KLF12: variants seen among roughly 807,000 people sequenced by gnomAD.
The protein encoded by KLF12 is Krueppel-like factor 12.
In KLF12, 9 loss-of-function variants were observed where a neutral mutation model predicts 37.8. The ratio of observed to expected loss-of-function variants is 0.24; its 90% CI spans 0.14 to 0.42. KLF12 has a LOEUF of 0.42. Ranked by LOEUF, KLF12 falls within the 10% of genes least tolerant of loss-of-function variation. The probability of loss-of-function intolerance (pLI) is 1.00; values close to 1 mark genes in which losing one functional copy is unlikely to be tolerated. For missense variants in KLF12, 411 were observed against 516.0 expected, an observed-to-expected ratio of 0.80 and a Z score of 1.97; for synonymous variants, 208 against 202.1, an observed-to-expected ratio of 1.03 and a Z score of -0.25.
intron 1 of KLF12, among the ~76,000 whole-genome samples, chr13:74,005,447 T>C (rs565322075): frequency 1.3e-5 from 2 of 152,186 alleles, no homozygotes; most frequent in South Asian, 4.1e-4. Context: ...TATTTCAAAA[T>C]TTAAAAAGGC....
At chr13:74,075,856 G>GA (rs1874530279) in intron 1 of KLF12, among the ~76,000 whole-genome samples, 1 of 152,122 alleles carries the variant, frequency 6.6e-6, no homozygotes, top group Non-Finnish European at 1.5e-5. Context: ...CACACCAGCA[G>GA]AAAGTGTCTC....
rs115321850 is a variant in KLF12, at chr13:73,783,883, C to T, written c.807-18883G>A. On this transcript the variant is annotated intron_variant, in intron 5 of 7. Coordinates refer to ENST00000377669, the MANE Select transcript of KLF12 (RefSeq NM_007249.5). The stretch of plus-strand genomic sequence containing the variant: ...AAACCGGACACAGTTCTAACACAAA[C>T]GCTTCCTTAGAATGGGCTATCATGT... 7.6e-4 allele frequency among the ~76,000 whole-genome samples: 115 copies of T among 152,238 alleles called. 1 individual carries two copies. The highest frequency in any genetic ancestry group is 2.4e-3 in the African/African-American group (101 of 41,564).
chr13:74,069,734 T>C (rs886915515), intron 1 of KLF12, among the ~76,000 whole-genome samples: 11 of 151,882 alleles, frequency 7.2e-5, no homozygotes, highest in African/African-American at 2.2e-4. Flanking sequence ...AATAAAAAAA[T>C]AGAAGAAGAA....
At position 73,761,552 on chromosome 13, in the gene KLF12, T is replaced by C. The variant is rs1334921281; in HGVS notation, c.869+3386A>G. The stretch of plus-strand genomic sequence containing the variant: ...TCCTACAATTGCACGCCCTTGAAGC[T>C]CAAAATCCTTTTCCTCTGTCTTTTT... On this transcript the variant is annotated intron_variant, in intron 6 of 7. Coordinates refer to ENST00000377669, the MANE Select transcript of KLF12 (RefSeq NM_007249.5). 2.0e-5 allele frequency among the ~76,000 whole-genome samples: 3 copies of C among 152,194 alleles called. No homozygotes were observed. The East Asian group carries it at 5.8e-4, about 29-fold the overall frequency.
the KLF12 span, among the ~76,000 whole-genome samples, chr13:74,211,559 G>A: frequency 6.6e-6 from 1 of 152,124 alleles, no homozygotes; most frequent in African/African-American, 2.4e-5. Context: ...GATTTATGAA[G>A]TTTAATAAAA....
At chr13:74,238,752 T>C in the KLF12 span, among the ~76,000 whole-genome samples, 1 of 152,062 alleles carries the variant, frequency 6.6e-6, no homozygotes, top group Middle Eastern at 3.4e-3. Context: ...TATTCTCTGA[T>C]GGTAGTTTGT....
chr13:73,854,663 C>T (rs1167193118), intron 3 of KLF12, among the ~76,000 whole-genome samples: 1 of 152,200 alleles, frequency 6.6e-6, no homozygotes, highest in Non-Finnish European at 1.5e-5. Flanking sequence ...ACCAAAACTA[C>T]AGATGCTCAA....
chr13:74,052,045 A>T (rs1272319333), intron 1 of KLF12, among the ~76,000 whole-genome samples: 1 of 152,102 alleles, frequency 6.6e-6, no homozygotes. Context: ...TGAAACTTAA[A>T]GAAAAAAAAA....
At chr13:73,767,542 T>C (rs183900945) in intron 5 of KLF12, among the ~76,000 whole-genome samples, 151 of 152,332 alleles carry the variant, frequency 9.9e-4, no homozygotes, top group African/African-American at 3.3e-3. Context: ...TTGAATGTGC[T>C]CTTCTGAGAC....
the KLF12 span, among the ~76,000 whole-genome samples, chr13:74,209,036 C>T: frequency 1.3e-4 from 19 of 151,872 alleles, no homozygotes; most frequent in Middle Eastern, 3.4e-3. Context: ...TCTTGAGTGA[C>T]GTAACAGTAT....
the KLF12 span, among the ~76,000 whole-genome samples, chr13:74,185,975 G>A: frequency 2.6e-5 from 4 of 152,088 alleles, no homozygotes; most frequent in African/African-American, 7.2e-5. Context: ...AGGTCACTTG[G>A]AAGTCTTTAA....
chr13:73,999,153 C>T lies in KLF12; in HGVS notation c.-31-4100G>A, dbSNP rs985656588. Among the ~76,000 whole-genome samples the T allele has an allele frequency of 2.0e-5, 3 of 152,218 alleles. No homozygotes were observed. In the South Asian group the frequency reaches 6.2e-4, roughly 31 times the overall value. ...TACTTCACTTTCCATTTCAGGTACACATTTTCAAGTAAAGTCCACACATGA... is the reference window on the plus strand; with the variant it reads ...TACTTCACTTTCCATTTCAGGTACATATTTTCAAGTAAAGTCCACACATGA... On this transcript the variant is annotated intron_variant, in intron 1 of 7. Coordinates refer to ENST00000377669, the MANE Select transcript of KLF12 (RefSeq NM_007249.5).
intron 1 of KLF12, among the ~76,000 whole-genome samples, chr13:74,091,873 T>C (rs755117614): frequency 2.0e-5 from 3 of 152,042 alleles, no homozygotes; most frequent in Non-Finnish European, 4.4e-5. Context: ...ACCACTCTGA[T>C]AGGGGATGTT....
chr13:74,023,244 A>G (rs1892888365), intron 1 of KLF12, among the ~76,000 whole-genome samples: 1 of 152,212 alleles, frequency 6.6e-6, no homozygotes. Flanking sequence ...CTTCACCTAC[A>G]GATGTTTGGT....
At chr13:73,816,485 G>T (rs1048421164) in intron 4 of KLF12, among the ~76,000 whole-genome samples, 16 of 152,176 alleles carry the variant, frequency 1.1e-4, no homozygotes, top group Non-Finnish European at 7.3e-5. Flanking sequence ...AGGTGTTCTG[G>T]AATCCTACGT....
At chr13:74,148,934 C>T in the KLF12 span, among the ~76,000 whole-genome samples, 1 of 152,162 alleles carries the variant, frequency 6.6e-6, no homozygotes. Flanking sequence ...CCTGCCTCAG[C>T]CTCTCTAGTA....
intron 2 of KLF12, among the ~76,000 whole-genome samples, chr13:73,988,805 A>G (rs1413995016): frequency 2.0e-5 from 3 of 152,232 alleles, no homozygotes; most frequent in Admixed American, 2.0e-4. Flanking sequence ...TGTAAACATG[A>G]CTAACACAGC....
At chr13:74,160,016 A>G in the KLF12 span, among the ~76,000 whole-genome samples, 68 of 151,954 alleles carry the variant, frequency 4.5e-4, no homozygotes, top group Non-Finnish European at 8.7e-4. Context: ...AAAAAAAAAA[A>G]AAAAAAAAGG....
chr13:74,006,073 G>T (rs901568848), intron 1 of KLF12, among the ~76,000 whole-genome samples: 2 of 151,974 alleles, frequency 1.3e-5, no homozygotes, highest in Non-Finnish European at 2.9e-5. Context: ...CTTTAGTTTT[G>T]GCTAGTTCTA....
Sources: gnomAD v4.1 joint callset for allele counts (sites outside exome capture counted in the v4.1 genomes callset) on GRCh38, gnomAD v4.1.1 for gene constraint, MANE v1.5 for transcripts, NCBI Gene and HGNC (gene_info 2026-07-23, HGNC 2026-07-21) for gene names.